DMGDH: variants seen among roughly 807,000 people sequenced by gnomAD.
The protein encoded by DMGDH is dimethylglycine dehydrogenase, mitochondrial.
In DMGDH, 76 loss-of-function variants were observed where a neutral mutation model predicts 95.2. The observed-to-expected ratio is 0.80, with a 90% CI of 0.66 to 0.97. The LOEUF is 0.97. Ranked by LOEUF, DMGDH falls within the 50% of genes least tolerant of loss-of-function variation. DMGDH has a pLI of 0.00. For missense variants in DMGDH, 987 were observed against 1,055.0 expected (o/e 0.94, Z 0.89); for synonymous variants, 345 against 377.6 (o/e 0.91, Z 1.00).
At chr5:79,019,321 T>C (rs553964185) in intron 14 of DMGDH, among the ~76,000 whole-genome samples, 1 of 152,290 alleles carries the variant, frequency 6.6e-6, no homozygotes, top group South Asian at 2.1e-4. Flanking sequence ...TCTATTAATT[T>C]ACATCCTTTC....
rs1423976662 is a variant in DMGDH, at chr5:79,051,315, C to A, written c.717G>T (p.Met239Ile). 2.5e-6 allele frequency: 4 copies of A among 1,614,180 alleles called. No individual in the cohort carries two copies. The South Asian group carries it at 4.4e-5, about 18-fold the overall frequency. ...CAGCATTCACAATTCTATTTGCTCT[C>A]ATAGACCCCTGTGGTGTTTCAACGT... ...TWDVETPQGS[M>I]RANRIVNAAG... The change falls in exon 5 of 16, where the codon ATG becomes ATT. Residue 239 changes from methionine (M) to isoleucine (I), a missense_variant. Coordinates refer to ENST00000255189, the MANE Select transcript of DMGDH (RefSeq NM_013391.3).
chr5:79,050,027 C>T (rs1463671693), intron 5 of DMGDH, among the ~76,000 whole-genome samples: 4 of 151,740 alleles, frequency 2.6e-5, no homozygotes, highest in South Asian at 2.1e-4. Context: ...GAGGCCGAGG[C>T]GGGTAGATCA....
chr5:79,014,735 A>C (rs944237038), intron 14 of DMGDH, among the ~76,000 whole-genome samples: 8 of 152,220 alleles, frequency 5.3e-5, no homozygotes, highest in Admixed American at 5.2e-4. Flanking sequence ...AAATTTATGG[A>C]GTGAACATTT....
chr5:79,051,969 A>G (rs1488763139), intron 4 of DMGDH, among the ~76,000 whole-genome samples: 1 of 152,226 alleles, frequency 6.6e-6, no homozygotes, highest in African/African-American at 2.4e-5. Context: ...TCAGTGAAAT[A>G]TTATATATGG....
chr5:79,034,214 C>G (rs939779009), intron 7 of DMGDH, among the ~76,000 whole-genome samples: 4 of 152,130 alleles, frequency 2.6e-5, no homozygotes, highest in Non-Finnish European at 5.9e-5. Context: ...TAGACAATGA[C>G]CTGTGCGCAA....
intron 2 of DMGDH, among the ~76,000 whole-genome samples, chr5:79,057,205 A>T (rs1288977376): frequency 6.6e-6 from 1 of 152,194 alleles, no homozygotes; most frequent in African/African-American, 2.4e-5. Flanking sequence ...CTACACTAAA[A>T]CTCCTTTTCT....
rs958056392 is a variant in DMGDH at position 79,020,734 on chromosome 5, G to A, written c.2250+3537C>T. On this transcript the variant is annotated intron_variant, in intron 14 of 15. Coordinates refer to ENST00000255189, the MANE Select transcript of DMGDH (RefSeq NM_013391.3). ...TAGAAGCTCTACACGGGGAGAGAGG[G>A]GAAGGAGAGAGAAAAAGGGAAAGAG... The A allele has an allele frequency of 2.1e-5, 21 of 984,182 alleles. 2 individuals are homozygous for A. The Admixed American group carries it at 5.5e-4, about 26-fold the overall frequency. The allele number at this position is 984,182 out of a possible 1,614,324, so 61.0% of individuals were successfully genotyped here.
chr5:79,013,045 T>C (rs1753672035), intron 14 of DMGDH, among the ~76,000 whole-genome samples: 1 of 152,248 alleles, frequency 6.6e-6, no homozygotes, highest in Non-Finnish European at 1.5e-5. Flanking sequence ...TTTTCTTTTC[T>C]ACTACATGGT....
chr5:79,009,360 C>CTTTTTTTT (rs372464439), intron 14 of DMGDH, among the ~76,000 whole-genome samples: 5 of 107,780 alleles, frequency 4.6e-5, no homozygotes, highest in South Asian at 3.0e-4. Context: ...CTTTTCTTTT[C>CTTTTTTTT]TTTTCTTTTT....
chr5:79,015,393 T>C (rs551829763), intron 14 of DMGDH, among the ~76,000 whole-genome samples: 16 of 152,296 alleles, frequency 1.1e-4, no homozygotes, highest in African/African-American at 3.8e-4. Flanking sequence ...TTTTAATCTG[T>C]TTCCCATCAC....
intron 14 of DMGDH, among the ~76,000 whole-genome samples, chr5:79,022,801 A>G (rs1753901014): frequency 6.6e-6 from 1 of 152,216 alleles, no homozygotes; most frequent in African/African-American, 2.4e-5. Context: ...CCAAACAATA[A>G]TATCCGAACA....
intron 4 of DMGDH, among the ~76,000 whole-genome samples, chr5:79,052,881 T>A (rs1754909870): frequency 6.6e-6 from 1 of 152,128 alleles, no homozygotes; most frequent in South Asian, 2.1e-4. Flanking sequence ...CAAACAACCC[T>A]AGCACCCAAG....
chr5:79,017,934 A>G (rs1452101230), intron 14 of DMGDH, among the ~76,000 whole-genome samples: 1 of 152,236 alleles, frequency 6.6e-6, no homozygotes, highest in East Asian at 1.9e-4. Context: ...AGACTACTGG[A>G]GTTTTATTTG....
intron 6 of DMGDH, among the ~76,000 whole-genome samples, chr5:79,042,840 T>C (rs1435803270): frequency 3.3e-5 from 5 of 152,168 alleles, no homozygotes; most frequent in Non-Finnish European, 7.3e-5. Context: ...TAAGAACCTG[T>C]TTCATCCCCT....
chr5:79,027,901 G>A (rs1212672851), intron 12 of DMGDH, among the ~76,000 whole-genome samples: 1 of 150,512 alleles, frequency 6.6e-6, no homozygotes, highest in Non-Finnish European at 1.5e-5. Flanking sequence ...GAGTACAGTG[G>A]TGTCATCTTG....
At chr5:79,018,503 G>T (rs115748919) in intron 14 of DMGDH, among the ~76,000 whole-genome samples, 3,165 of 152,028 alleles carry the variant, frequency 0.021, 101 homozygotes, top group African/African-American at 0.071. Flanking sequence ...TGTTGCCTGG[G>T]GGGTAGGTGA....
Position 78,998,040 on chromosome 5 carries a change from T to A in DMGDH, c.*42A>T. On this transcript the variant is annotated 3_prime_UTR_variant, in exon 16 of 16. Transcript: ENST00000255189. ...CCAGTTATAATAATTTCAAGGACAG[T>A]CATTAGCAACTCTAATTCAGTTGAC... 6.3e-7 allele frequency: 1 copy of A among 1,597,134 alleles called. No individual in the cohort carries two copies. The highest frequency in any genetic ancestry group is 8.6e-7 in the Non-Finnish European group (1 of 1,164,650).
chr5:79,053,100 C>T (rs1754915265), intron 4 of DMGDH, among the ~76,000 whole-genome samples: 1 of 152,164 alleles, frequency 6.6e-6, no homozygotes, highest in Admixed American at 6.6e-5. Context: ...CTAAAATTTC[C>T]TGTTTAACAA....
chr5:79,021,344 A>C, intron 14 of DMGDH: 1 of 1,134,720 alleles, frequency 8.8e-7, no homozygotes, highest in East Asian at 6.2e-5. Context: ...TCAGGAGTAT[A>C]TCTTTAACAT....
Sources: allele counts gnomAD v4.1 joint callset (sites outside exome capture counted in the v4.1 genomes callset), GRCh38; gene constraint gnomAD v4.1.1; transcripts MANE v1.5; gene names NCBI Gene and HGNC (gene_info 2026-07-23, HGNC 2026-07-21).